Variants in COL25A1 observed in about 807,000 individuals in gnomAD.
The protein encoded by COL25A1 is collagen type XXV alpha 1 chain, also known as collagen alpha-1(XXV) chain.
A neutral mutation model predicts 128.4 loss-of-function variants in COL25A1; 103 were observed. The observed-to-expected ratio is 0.80, with a 90% CI of 0.68 to 0.94. COL25A1 has a LOEUF of 0.94. Ranked by LOEUF, COL25A1 falls within the 40% of genes least tolerant of loss-of-function variation. COL25A1 has a pLI of 0.00. For synonymous variants in COL25A1, 279 were observed against 277.2 expected (o/e 1.01, Z -0.06); for missense variants, 745 against 840.0 (o/e 0.89, Z 1.40).
chr4:109,060,703 A>G (rs1282615734), intron 3 of COL25A1, among the ~76,000 whole-genome samples: 1 of 151,988 alleles, frequency 6.6e-6, no homozygotes, highest in African/African-American at 2.4e-5. Flanking sequence ...AAAAAAAACA[A>G]AAAAACATTA....
At chr4:109,238,288 G>A (rs1287206619) in intron 3 of COL25A1, among the ~76,000 whole-genome samples, 2 of 151,972 alleles carry the variant, frequency 1.3e-5, no homozygotes, top group African/African-American at 2.4e-5. Context: ...AGCAGCTTTA[G>A]GGAGAGAATA....
At chr4:109,205,032 G>A (rs1776866344) in intron 3 of COL25A1, among the ~76,000 whole-genome samples, 2 of 152,152 alleles carry the variant, frequency 1.3e-5, no homozygotes, top group Non-Finnish European at 2.9e-5. Context: ...ATATTAAGGA[G>A]CATGGCAAAA....
intron 11 of COL25A1, among the ~76,000 whole-genome samples, chr4:108,936,521 C>G (rs1158888289): frequency 6.6e-6 from 1 of 152,012 alleles, no homozygotes; most frequent in East Asian, 1.9e-4. Context: ...GAGCCGAGAT[C>G]GCGCCACTGC....
chr4:109,254,917 T>A (rs1456525388), intron 3 of COL25A1, among the ~76,000 whole-genome samples: 1 of 152,162 alleles, frequency 6.6e-6, no homozygotes, highest in Non-Finnish European at 1.5e-5. Flanking sequence ...AATAAGCATT[T>A]ATCGAGCTTC....
intron 3 of COL25A1, among the ~76,000 whole-genome samples, chr4:109,256,210 T>C (rs1781077979): frequency 6.6e-6 from 1 of 152,072 alleles, no homozygotes; most frequent in African/African-American, 2.4e-5. Context: ...TCTGATACTT[T>C]GAAAAATTAA....
At chr4:109,012,929 G>A (rs1462419451) in intron 5 of COL25A1, among the ~76,000 whole-genome samples, 1 of 152,240 alleles carries the variant, frequency 6.6e-6, no homozygotes, top group Admixed American at 6.5e-5. Flanking sequence ...AGCCAGCTGG[G>A]CTCCTGAGTC....
intron 3 of COL25A1, among the ~76,000 whole-genome samples, chr4:109,100,987 A>G (rs1420924701): frequency 1.3e-5 from 2 of 152,182 alleles, no homozygotes; most frequent in South Asian, 2.1e-4. Flanking sequence ...CTAGCTAGCT[A>G]TTTCTGGTCT....
intron 3 of COL25A1, among the ~76,000 whole-genome samples, chr4:109,276,026 C>T (rs1365055685): frequency 6.6e-6 from 1 of 152,202 alleles, no homozygotes; most frequent in Non-Finnish European, 1.5e-5. Flanking sequence ...GCTCACTCTT[C>T]TCCTCCATAT....
chr4:108,884,516 T>A (rs989734641), intron 18 of COL25A1, among the ~76,000 whole-genome samples: 10 of 152,162 alleles, frequency 6.6e-5, no homozygotes, highest in African/African-American at 2.4e-4. Context: ...CTCCCATATT[T>A]CATTATTTCT....
At chr4:109,155,959 A>G (rs1771991789) in intron 3 of COL25A1, among the ~76,000 whole-genome samples, 1 of 152,134 alleles carries the variant, frequency 6.6e-6, no homozygotes, top group South Asian at 2.1e-4. Flanking sequence ...AAAAACAAAA[A>G]CTGTCTATTA....
intron 32 of COL25A1, 102 bp downstream of exon 32, chr4:108,832,278 A>G: frequency 1.3e-6 from 1 of 756,842 alleles, no homozygotes; most frequent in South Asian, 1.9e-5. Context: ...AATATTAGAT[A>G]GCCCTTTATT....
chr4:109,253,990 GGCA>G (rs987345989), intron 3 of COL25A1, among the ~76,000 whole-genome samples: 12 of 151,934 alleles, frequency 7.9e-5, no homozygotes, highest in Non-Finnish European at 1.5e-4. Context: ...AGGAGGCTGA[GGCA>G]GGAGAATGGC....
intron 6 of COL25A1, among the ~76,000 whole-genome samples, chr4:108,981,700 TCTC>T (rs1307648652): frequency 4.6e-5 from 7 of 152,166 alleles, no homozygotes; most frequent in Admixed American, 1.3e-4. Context: ...GGTTAATTAA[TCTC>T]CTTGTTCCGC....
intron 3 of COL25A1, among the ~76,000 whole-genome samples, chr4:109,071,801 G>A (rs921726287): frequency 2.0e-5 from 3 of 152,158 alleles, no homozygotes; most frequent in African/African-American, 7.2e-5. Context: ...GGAAACAACA[G>A]GTGCTGGTGA....
intron 3 of COL25A1, among the ~76,000 whole-genome samples, chr4:109,119,499 A>T (rs778346982): frequency 9.9e-5 from 15 of 152,052 alleles, no homozygotes; most frequent in Non-Finnish European, 2.1e-4. Context: ...ATATCACTAC[A>T]GATCCCATGG....
chr4:108,865,301 G>A (rs1159219684), intron 20 of COL25A1, among the ~76,000 whole-genome samples: 1 of 152,172 alleles, frequency 6.6e-6, no homozygotes, highest in Non-Finnish European at 1.5e-5. Flanking sequence ...TGTAGGGCTT[G>A]AAATTCCAAG....
intron 15 of COL25A1, 149 bp from the exon 16 acceptor site, chr4:108,896,860 A>T: frequency 1.5e-6 from 1 of 687,126 alleles, no homozygotes. Context: ...ATACTTGACC[A>T]GTTGTCTGAT....
At chr4:109,095,347 T>C (rs192319801) in intron 3 of COL25A1, among the ~76,000 whole-genome samples, 3 of 152,346 alleles carry the variant, frequency 2.0e-5, no homozygotes, top group Non-Finnish European at 2.9e-5. Context: ...ATGATAAATG[T>C]AATTCTCTTA....
chr4:109,080,143 G>T (rs1186593031), intron 3 of COL25A1, among the ~76,000 whole-genome samples: 2 of 152,078 alleles, frequency 1.3e-5, no homozygotes, highest in East Asian at 1.9e-4. Flanking sequence ...TGCTATTATA[G>T]ATATTAATCA....
Sources: gnomAD v4.1 joint callset for allele counts (sites outside exome capture counted in the v4.1 genomes callset) on GRCh38, gnomAD v4.1.1 for gene constraint, MANE v1.5 for transcripts, NCBI Gene and HGNC (gene_info 2026-07-23, HGNC 2026-07-21) for gene names.